The following PRIM2 variants were observed in gnomAD, a reference collection of about 807,000 sequenced individuals.
The protein encoded by PRIM2 is DNA primase subunit 2.
PRIM2 carries 39 observed loss-of-function variants against 67.3 expected under a neutral mutation model. That is an observed-to-expected ratio of 0.58 (90% CI 0.45 to 0.76). The LOEUF (loss-of-function observed/expected upper bound fraction) is 0.76, where lower values mean the gene tolerates loss of function less well. PRIM2 is among the 30% of genes least tolerant of loss of function. The pLI, the probability that PRIM2 is intolerant of heterozygous loss-of-function variation, is 0.00. For missense variants in PRIM2, 398 were observed against 598.7 expected (o/e 0.66, Z 3.50); for synonymous variants, 143 against 198.7 (o/e 0.72, Z 2.36).
chr6:57,236,165 G>A, the PRIM2 span, among the ~76,000 whole-genome samples: 1 of 152,092 alleles, frequency 6.6e-6, no homozygotes, highest in Admixed American at 6.6e-5. Context: ...TTGCTTCACT[G>A]ACTTGGTGAG....
At chr6:57,341,824 G>A (rs996641384) in intron 5 of PRIM2, among the ~76,000 whole-genome samples, 6 of 152,162 alleles carry the variant, frequency 3.9e-5, no homozygotes, top group Non-Finnish European at 7.3e-5. Context: ...GAGGTGGAAG[G>A]AAACAGCAGG....
intron 7 of PRIM2, among the ~76,000 whole-genome samples, chr6:57,428,665 A>C (rs1771711827): frequency 6.6e-6 from 1 of 152,168 alleles, no homozygotes; most frequent in Non-Finnish European, 1.5e-5. Context: ...TGCTTGTTGC[A>C]TAACCTCTAA....
intron 5 of PRIM2, among the ~76,000 whole-genome samples, chr6:57,376,577 C>T (rs1252968172): frequency 6.6e-6 from 1 of 152,190 alleles, no homozygotes; most frequent in East Asian, 1.9e-4. Flanking sequence ...CGTCCACACA[C>T]AGAGGCATAC....
rs1156286180 is a variant in PRIM2, at chr6:57,580,382, A to G, written c.1021-20711A>G. On this transcript the variant is annotated intron_variant, in intron 10 of 13. Transcript: ENST00000615550. Reference sequence around the variant, plus strand: ...TCTTTAGGTTCATGGCTGAGGTCCTATAGCAAAAGACAGATTAATAAGAGA... The same window carrying G: ...TCTTTAGGTTCATGGCTGAGGTCCTGTAGCAAAAGACAGATTAATAAGAGA... Among the ~76,000 whole-genome samples, 34 of 152,352 alleles carry G rather than the reference A, an allele frequency of 2.2e-4. No individual in the cohort carries two copies. In the East Asian group the frequency reaches 6.4e-3, roughly 28 times the overall value.
At chr6:57,615,674 T>C (rs1233021522) in intron 12 of PRIM2, among the ~76,000 whole-genome samples, 2,485 of 152,218 alleles carry the variant, frequency 0.016, 28 homozygotes, top group Non-Finnish European at 0.027. Context: ...GGTGAGAGGA[T>C]TGCTTGAAGC....
intron 8 of PRIM2, among the ~76,000 whole-genome samples, chr6:57,518,971 A>C (rs1248477410): frequency 3.3e-5 from 5 of 152,194 alleles, no homozygotes; most frequent in African/African-American, 4.8e-5. Context: ...AAAGGGACAG[A>C]GTACAAAAGA....
intron 7 of PRIM2, among the ~76,000 whole-genome samples, chr6:57,466,003 G>A (rs1211929873): frequency 6.6e-6 from 1 of 151,392 alleles, no homozygotes; most frequent in African/African-American, 2.4e-5. Flanking sequence ...CCCGGTGTGT[G>A]ATGTTCCCCT....
intron 8 of PRIM2, among the ~76,000 whole-genome samples, chr6:57,512,872 C>T (rs1774400384): frequency 6.6e-6 from 1 of 152,156 alleles, no homozygotes; most frequent in Non-Finnish European, 1.5e-5. Context: ...GTTGGGATTA[C>T]AGGTGTGAGC....
intron 5 of PRIM2, among the ~76,000 whole-genome samples, chr6:57,364,617 C>T (rs1769295497): frequency 6.6e-6 from 1 of 152,208 alleles, no homozygotes; most frequent in African/African-American, 2.4e-5. Context: ...TTCTAGTTCA[C>T]TCTTTCTCTG....
At chr6:57,308,901 G>T in the PRIM2 span, among the ~76,000 whole-genome samples, 1 of 150,220 alleles carries the variant, frequency 6.7e-6, no homozygotes, top group Non-Finnish European at 1.5e-5. Context: ...TAAGTTCTGA[G>T]ATACATGTGC....
chr6:57,511,852 A>C (rs1472433877), intron 8 of PRIM2, among the ~76,000 whole-genome samples: 4 of 152,320 alleles, frequency 2.6e-5, no homozygotes, highest in Non-Finnish European at 5.9e-5. Context: ...GGGGATGTTT[A>C]GTGAGCAGTT....
intron 7 of PRIM2, among the ~76,000 whole-genome samples, chr6:57,490,109 C>T (rs1422455917): frequency 6.6e-6 from 1 of 152,100 alleles, no homozygotes; most frequent in Non-Finnish European, 1.5e-5. Context: ...CCAGCTGCCC[C>T]AGGGCACTGA....
At chr6:57,533,328 T>C (rs1774931861) in intron 9 of PRIM2, among the ~76,000 whole-genome samples, 1 of 152,176 alleles carries the variant, frequency 6.6e-6, no homozygotes, top group East Asian at 1.9e-4. Flanking sequence ...TAATCTTGGG[T>C]TAGACAACTA....
chr6:57,493,889 G>A (rs1341834593), intron 7 of PRIM2: 2 of 152,130 alleles, frequency 1.3e-5, no homozygotes, highest in African/African-American at 2.4e-5. Flanking sequence ...CAAGTATAAA[G>A]GATGGCAATT....
chr6:57,594,853 C>T lies in PRIM2; in HGVS notation c.1021-6240C>T, dbSNP rs1176422557. On this transcript the variant is annotated intron_variant, in intron 10 of 13. Coordinates refer to ENST00000615550, the MANE Select transcript of PRIM2 (RefSeq NM_000947.5). ...AGAAGATAACATCAAGTTGATAAGC[C>T]TTTGTTACAATTACATTTGACAAAA... is the stretch of plus-strand genomic sequence containing the variant. 1.0e-3 allele frequency among the ~76,000 whole-genome samples: 156 copies of T among 152,184 alleles called. 1 individual carries two copies. Among genetic ancestry groups the T allele is most frequent in the African/African-American group, 3.6e-3 (149 of 41,520 alleles).
chr6:57,265,998 A>G, the PRIM2 span, among the ~76,000 whole-genome samples: 2 of 152,232 alleles, frequency 1.3e-5, no homozygotes, highest in Non-Finnish European at 2.9e-5. Flanking sequence ...TTTTTAAACT[A>G]TAAGAAAAGG....
At chr6:57,573,127 A>G (rs1415902340) in intron 10 of PRIM2, among the ~76,000 whole-genome samples, 2 of 152,188 alleles carry the variant, frequency 1.3e-5, no homozygotes, top group African/African-American at 4.8e-5. Context: ...GCTGCCCTAT[A>G]CTTTCATTTA....
intron 7 of PRIM2, among the ~76,000 whole-genome samples, chr6:57,391,633 T>C (rs1343582948): frequency 6.6e-6 from 1 of 152,212 alleles, no homozygotes; most frequent in African/African-American, 2.4e-5. Context: ...TTTTCCCCAT[T>C]GCTTGTTTTT....
At chr6:57,286,745 G>A in the PRIM2 span, among the ~76,000 whole-genome samples, 8 of 152,084 alleles carry the variant, frequency 5.3e-5, no homozygotes, top group East Asian at 1.2e-3. Context: ...AACAAAAGCC[G>A]AAATTGAAAA....
Sources: allele counts gnomAD v4.1 joint callset (sites outside exome capture counted in the v4.1 genomes callset), GRCh38; gene constraint gnomAD v4.1.1; transcripts MANE v1.5; gene names NCBI Gene and HGNC (gene_info 2026-07-23, HGNC 2026-07-21).